Variants in GDPD5 observed in about 807,000 individuals in gnomAD.
The protein encoded by GDPD5 is glycerophosphodiester phosphodiesterase domain containing 5.
Under a neutral mutation model 75.1 loss-of-function variants are expected in GDPD5, and 48 were observed. The ratio of observed to expected loss-of-function variants is 0.64; its 90% CI spans 0.51 to 0.81. The LOEUF (loss-of-function observed/expected upper bound fraction) is 0.81, where lower values mean the gene tolerates loss of function less well. Ranked by LOEUF, GDPD5 falls within the 40% of genes least tolerant of loss-of-function variation. The pLI is 0.00. For synonymous variants in GDPD5, 336 were observed against 339.0 expected (o/e 0.99, Z 0.10); for missense variants, 706 against 822.6 (o/e 0.86, Z 1.73).
intron 16 of GDPD5, among the ~76,000 whole-genome samples, chr11:75,436,495 C>T (rs1264517555): frequency 6.9e-6 from 1 of 144,162 alleles, no homozygotes; most frequent in Non-Finnish European, 1.5e-5. Flanking sequence ...GCACTCCCAT[C>T]GCAGGAACTC....
chr11:75,447,888 T>C (rs1949028999), intron 9 of GDPD5, among the ~76,000 whole-genome samples: 2 of 152,186 alleles, frequency 1.3e-5, no homozygotes, highest in African/African-American at 2.4e-5. Context: ...AGGCAGCATG[T>C]GGCCAAACTG....
intron 7 of GDPD5, 60 bp downstream of exon 7, chr11:75,449,824 AG>A: frequency 6.5e-7 from 1 of 1,546,708 alleles, no homozygotes; most frequent in Non-Finnish European, 8.9e-7. Context: ...CTTGGTCTGG[AG>A]AAAGGGAAGT....
intron 3 of GDPD5, among the ~76,000 whole-genome samples, chr11:75,472,762 C>A (rs947888451): frequency 6.6e-6 from 1 of 152,102 alleles, no homozygotes; most frequent in African/African-American, 2.4e-5. Context: ...GTCCGAGGAC[C>A]TCCTCTGAGT....
chr11:75,500,182 C>T (rs1950281515), intron 1 of GDPD5, among the ~76,000 whole-genome samples: 1 of 152,160 alleles, frequency 6.6e-6, no homozygotes, highest in South Asian at 2.1e-4. Flanking sequence ...CCTCCTCCCT[C>T]TGGCCTCTCC....
chr11:75,511,659 G>A (rs957567377), intron 1 of GDPD5, among the ~76,000 whole-genome samples: 2 of 152,160 alleles, frequency 1.3e-5, no homozygotes, highest in Non-Finnish European at 2.9e-5. Flanking sequence ...CTGCCACCCA[G>A]CCAGGGCCAT....
chr11:75,496,740 G>A (rs1387002359), intron 1 of GDPD5, among the ~76,000 whole-genome samples: 4 of 150,966 alleles, frequency 2.6e-5, no homozygotes, highest in Admixed American at 6.6e-5. Context: ...TTAGCCTCCC[G>A]CTGCAGACTA....
chr11:75,444,158 T>C (rs1047627667), intron 10 of GDPD5, among the ~76,000 whole-genome samples: 4 of 152,230 alleles, frequency 2.6e-5, no homozygotes, highest in African/African-American at 7.2e-5. Context: ...GAGAGTGTTG[T>C]AGCTCTATCA....
chr11:75,449,362 C>G (rs1408984467), intron 8 of GDPD5, among the ~76,000 whole-genome samples, 155 bp downstream of exon 8: 2 of 152,188 alleles, frequency 1.3e-5, no homozygotes, highest in East Asian at 3.9e-4. Flanking sequence ...TCCGTGGACT[C>G]TGTGGGCCAC....
At chr11:75,460,141 T>C (rs1949380505) in intron 4 of GDPD5, among the ~76,000 whole-genome samples, 1 of 151,952 alleles carries the variant, frequency 6.6e-6, no homozygotes. Context: ...TCCTGAAAGA[T>C]GTTCTGGTTC....
intron 1 of GDPD5, among the ~76,000 whole-genome samples, chr11:75,496,451 C>A (rs1200616639): frequency 6.6e-6 from 1 of 152,228 alleles, no homozygotes; most frequent in Admixed American, 6.5e-5. Flanking sequence ...CACTAGAAGG[C>A]AGGTCAACAT....
At chr11:75,485,332 T>A (rs1484438559) in intron 2 of GDPD5, 7 of 152,130 alleles carry the variant, frequency 4.6e-5, no homozygotes, top group Non-Finnish European at 7.3e-5. Context: ...CTTTAGTCAA[T>A]CATAATTAAC....
At chr11:75,477,907 C>A (rs781744720) in intron 2 of GDPD5, 112 bp from the exon 3 acceptor site, 23 of 448,540 alleles carry the variant, frequency 5.1e-5, no homozygotes, top group South Asian at 4.2e-4. Flanking sequence ...CAAAGCACTG[C>A]AGTGGGGCTC....
At chr11:75,497,166 T>TA (rs2135438693) in intron 1 of GDPD5, among the ~76,000 whole-genome samples, 1 of 152,176 alleles carries the variant, frequency 6.6e-6, no homozygotes, top group African/African-American at 2.4e-5. Context: ...ACCAAGCCAG[T>TA]CTAGACACCA....
At position 75,449,612 on chromosome 11, in the gene GDPD5, T is replaced by C. The variant is rs1444009795; in HGVS notation, c.475-2A>G. 1.1e-5 allele frequency: 18 copies of C among 1,572,206 alleles called. No homozygotes were observed. The highest frequency in any genetic ancestry group is 1.3e-5 in the African/African-American group (1 of 74,300). On this transcript the variant is annotated splice_acceptor_variant, in intron 7 of 16. Coordinates refer to ENST00000336898, the MANE Select transcript of GDPD5 (RefSeq NM_030792.8). LOFTEE classifies it high-confidence loss of function. ...CACATGCAGGAATGGCGCTGTGCCCTGTTTGCAGGGAGAGGGAAGGGAGAC... is the reference window on the plus strand; with the variant it reads ...CACATGCAGGAATGGCGCTGTGCCCCGTTTGCAGGGAGAGGGAAGGGAGAC...
chr11:75,499,378 C>A (rs1847840066), intron 1 of GDPD5, among the ~76,000 whole-genome samples: 1 of 133,840 alleles, frequency 7.5e-6, no homozygotes, highest in African/African-American at 2.8e-5. Context: ...AACTTTCCTT[C>A]TTTCTTCTTC....
chr11:75,449,294 T>C (rs1011331765), intron 8 of GDPD5, among the ~76,000 whole-genome samples, 172 bp from the exon 9 acceptor site: 1 of 152,112 alleles, frequency 6.6e-6, no homozygotes, highest in African/African-American at 2.4e-5. Flanking sequence ...GGTGCATACA[T>C]GCAGAGAGAG....
rs147305045 is a variant in GDPD5, at chr11:75,481,671, C to T, written c.-60-3876G>A. On this transcript the variant is annotated intron_variant, in intron 2 of 16. Transcript: ENST00000336898. ...GGCACCCCCACATTCCCAGCCTTCC[C>T]GCAGGGGTGGGAGGCCAGGGTCCAC... is the stretch of plus-strand genomic sequence containing the variant. Among the ~76,000 whole-genome samples, 442 of 152,162 alleles carry T rather than the reference C, an allele frequency of 2.9e-3. 3 individuals are homozygous for T. Among genetic ancestry groups the T allele is most frequent in the Non-Finnish European group, 4.9e-3 (332 of 67,970 alleles).
intron 1 of GDPD5, among the ~76,000 whole-genome samples, chr11:75,493,658 G>A (rs1950155306): frequency 6.6e-6 from 1 of 152,064 alleles, no homozygotes. Flanking sequence ...GGAGATGGAT[G>A]CTGCTTGGGG....
chr11:75,487,647 C>T (rs1388052135), intron 2 of GDPD5, among the ~76,000 whole-genome samples: 1 of 152,246 alleles, frequency 6.6e-6, no homozygotes, highest in Admixed American at 6.5e-5. Context: ...CCTCTGATTG[C>T]CATTCCTCTC....
Sources: gnomAD v4.1 joint callset for allele counts (sites outside exome capture counted in the v4.1 genomes callset) on GRCh38, gnomAD v4.1.1 for gene constraint, MANE v1.5 for transcripts, NCBI Gene and HGNC (gene_info 2026-07-23, HGNC 2026-07-21) for gene names.